RBPMS: variants seen among roughly 807,000 people sequenced by gnomAD.
RBPMS encodes the protein RNA binding protein, mRNA processing factor.
Under a neutral mutation model 26.8 loss-of-function variants are expected in RBPMS, and 7 were observed. That is an observed-to-expected ratio of 0.26 (90% CI 0.15 to 0.49). The LOEUF (loss-of-function observed/expected upper bound fraction) is 0.49, where lower values mean the gene tolerates loss of function less well. Among genes scored for constraint, RBPMS ranks in the 20% least tolerant of loss-of-function variants. The pLI is 0.98. For synonymous variants in RBPMS, 96 were observed against 93.3 expected (o/e 1.03, Z -0.17); for missense variants, 186 against 250.0 (o/e 0.74, Z 1.73).
At chr8:30,514,092 A>G (rs890226733) in intron 5 of RBPMS, among the ~76,000 whole-genome samples, 1 of 152,344 alleles carries the variant, frequency 6.6e-6, no homozygotes, top group African/African-American at 2.4e-5. Flanking sequence ...GTAATCATTT[A>G]CCAATGTGAG....
chr8:30,494,281 C>CTCA (rs1486506641), intron 4 of RBPMS, among the ~76,000 whole-genome samples: 1 of 152,174 alleles, frequency 6.6e-6, no homozygotes, highest in Non-Finnish European at 1.5e-5. Flanking sequence ...GAGTATGAAT[C>CTCA]TCATCTTTCT....
intron 7 of RBPMS, among the ~76,000 whole-genome samples, chr8:30,563,225 T>C (rs1827639457): frequency 6.6e-6 from 1 of 152,208 alleles, no homozygotes; most frequent in South Asian, 2.1e-4. Context: ...TTTAATTTGC[T>C]CCGCCTCTTG....
At chr8:30,460,637 C>A (rs1369676207) in intron 1 of RBPMS, among the ~76,000 whole-genome samples, 9 of 152,130 alleles carry the variant, frequency 5.9e-5, no homozygotes, top group African/African-American at 1.9e-4. Flanking sequence ...GAGACTATAG[C>A]TAAGATTTCT....
In RBPMS at chr8:30,566,301, A is replaced by G. The variant is rs1397338604; in HGVS notation, c.*52A>G. 1 of 985,752 alleles carries G rather than the reference A, an allele frequency of 1.0e-6. No individual in the cohort carries two copies. Among genetic ancestry groups the G allele is most frequent in the East Asian group, 1.1e-4 (1 of 8,814 alleles). The allele number at this position is 985,752 out of a possible 1,614,324, so 61.1% of individuals were successfully genotyped here. On this transcript the variant is annotated 3_prime_UTR_variant, in exon 8 of 9. Coordinates refer to ENST00000397323, the MANE Select transcript of RBPMS (RefSeq NM_001008710.3). Reference sequence around the variant, plus strand: ...GGCTGCAATCTGTCTTGTGGGTATTAATGCAATCTTCAGTGGTGGCTACTG... The same window carrying G: ...GGCTGCAATCTGTCTTGTGGGTATTGATGCAATCTTCAGTGGTGGCTACTG...
At chr8:30,510,500 CTTTTT>C (rs35949437) in intron 5 of RBPMS, among the ~76,000 whole-genome samples, 1 of 146,774 alleles carries the variant, frequency 6.8e-6, no homozygotes, top group African/African-American at 2.5e-5. Flanking sequence ...ACCACACTGC[CTTTTT>C]TTTTTTTCCA....
intron 5 of RBPMS, among the ~76,000 whole-genome samples, chr8:30,527,205 C>T (rs373793859): frequency 6.6e-6 from 1 of 152,286 alleles, no homozygotes; most frequent in East Asian, 1.9e-4. Flanking sequence ...TTACTGTAAA[C>T]CCTCAGACAC....
rs534901028 is a variant in RBPMS, at chr8:30,572,128, G to T, written c.*1603G>T. The T allele has an allele frequency of 1.3e-5, 2 of 152,268 alleles. No homozygotes were observed. The highest frequency in any genetic ancestry group is 4.8e-5 in the African/African-American group (2 of 41,546). 9.4% of individuals were successfully genotyped at this position (152,268 alleles called of 1,614,324 possible). On this transcript the variant is annotated 3_prime_UTR_variant, in exon 9 of 9. Transcript: ENST00000397323. ...CCTGCTTATGCCCTCAGTGCCAATCGGCTCTTGGTGAGATGACTGTACTCC... is the reference window on the plus strand; with the variant it reads ...CCTGCTTATGCCCTCAGTGCCAATCTGCTCTTGGTGAGATGACTGTACTCC...
intron 1 of RBPMS, among the ~76,000 whole-genome samples, chr8:30,433,641 T>C (rs1812162918): frequency 6.6e-6 from 1 of 152,118 alleles, no homozygotes; most frequent in Admixed American, 6.5e-5. Flanking sequence ...CCATAGCACT[T>C]CAGCCTGGGT....
chr8:30,554,707 C>T lies in RBPMS; in HGVS notation c.529-4180C>T, dbSNP rs546816334. Among the ~76,000 whole-genome samples, 199 of 152,260 alleles carry T rather than the reference C, an allele frequency of 1.3e-3. 2 individuals carry two copies. The highest frequency in any genetic ancestry group is 0.012 in the South Asian group (59 of 4,812). Reference sequence around the variant, plus strand: ...TTTCTGACAAGTTCCCAGGTGATGCCGTTGGTCCAGGAACCTGAGAACCAC... The same window carrying T: ...TTTCTGACAAGTTCCCAGGTGATGCTGTTGGTCCAGGAACCTGAGAACCAC... On this transcript the variant is annotated intron_variant, in intron 6 of 8. Coordinates refer to ENST00000397323, the MANE Select transcript of RBPMS (RefSeq NM_001008710.3).
chr8:30,551,338 C>T (rs1019986056), intron 6 of RBPMS, among the ~76,000 whole-genome samples: 4 of 152,174 alleles, frequency 2.6e-5, no homozygotes, highest in Non-Finnish European at 4.4e-5. Flanking sequence ...GAGGAAATGC[C>T]GTTCAGAAAC....
intron 5 of RBPMS, among the ~76,000 whole-genome samples, chr8:30,533,075 C>A (rs1310158963): frequency 6.6e-6 from 1 of 152,178 alleles, no homozygotes; most frequent in Admixed American, 6.5e-5. Context: ...ACCAAATTGA[C>A]ATTTTTGGAT....
chr8:30,508,013 G>C (rs1201028718), intron 5 of RBPMS, among the ~76,000 whole-genome samples: 1 of 152,196 alleles, frequency 6.6e-6, no homozygotes, highest in African/African-American at 2.4e-5. Flanking sequence ...ATGATGAAGT[G>C]TCTGTTCCTA....
chr8:30,507,325 G>C (rs1563388180), intron 5 of RBPMS, among the ~76,000 whole-genome samples: 3 of 152,120 alleles, frequency 2.0e-5, no homozygotes, highest in Non-Finnish European at 4.4e-5. Flanking sequence ...TGTTAGGAGA[G>C]GTAAATAAAA....
At chr8:30,422,561 C>T (rs1229559158) in intron 1 of RBPMS, among the ~76,000 whole-genome samples, 1 of 152,184 alleles carries the variant, frequency 6.6e-6, no homozygotes, top group African/African-American at 2.4e-5. Context: ...TGAGCCACCT[C>T]ACCTGGCCTG....
At chr8:30,444,689 A>C (rs760288711) in intron 1 of RBPMS, 1 of 152,214 alleles carries the variant, frequency 6.6e-6, no homozygotes, top group Non-Finnish European at 1.5e-5. Context: ...TGTTTTTCCC[A>C]TGGTAAAAGA....
At chr8:30,549,937 G>A (rs552975418) in intron 6 of RBPMS, among the ~76,000 whole-genome samples, 91 of 147,112 alleles carry the variant, frequency 6.2e-4, no homozygotes, top group African/African-American at 2.1e-3. Flanking sequence ...TGCAAGCTCC[G>A]CCTCCCGGGT....
chr8:30,479,141 T>G (rs951170318), intron 3 of RBPMS, among the ~76,000 whole-genome samples, 174 bp from the exon 4 acceptor site: 1 of 152,208 alleles, frequency 6.6e-6, no homozygotes, highest in African/African-American at 2.4e-5. Context: ...TGATTCATAT[T>G]AGAAATTTGG....
rs181763032 is a variant in RBPMS at position 30,557,953 on chromosome 8, C to A, written c.529-934C>A. Among the ~76,000 whole-genome samples the A allele has an allele frequency of 3.7e-3, 562 of 152,312 alleles. 2 individuals are homozygous for A. The highest frequency in any genetic ancestry group is 0.013 in the African/African-American group (523 of 41,568). ...AATCTCAGCTTACAGCAACCTCCCC[C>A]CTCCTGGTTCAAGCGATTCTCCTGC... On this transcript the variant is annotated intron_variant, in intron 6 of 8. Coordinates refer to ENST00000397323, the MANE Select transcript of RBPMS (RefSeq NM_001008710.3).
Position 30,474,831 on chromosome 8 carries a change from T to A in RBPMS, c.119T>A (p.Leu40His). The part of the protein sequence containing the change: ...GLPLDIKPRE[L>H]YLLFRPFKGY... The stretch of plus-strand genomic sequence containing the variant: ...CCTCTGGATATCAAACCTCGGGAGC[T>A]CTATCTGCTTTTCAGACCATTTAAG... Residue 40 changes from leucine (L) to histidine (H), a missense_variant, in exon 2 of 9, where the codon CTC (leucine) becomes CAC (histidine). Leu to His is a moderately conservative substitution (Grantham distance 99). Coordinates refer to ENST00000397323, the MANE Select transcript of RBPMS (RefSeq NM_001008710.3). 6.2e-7 allele frequency: 1 copy of A among 1,611,318 alleles called. No homozygotes were observed. Among genetic ancestry groups the A allele is most frequent in the Non-Finnish European group, 8.5e-7 (1 of 1,177,550 alleles).
Sources: gnomAD v4.1 joint callset for allele counts (sites outside exome capture counted in the v4.1 genomes callset) on GRCh38, gnomAD v4.1.1 for gene constraint, MANE v1.5 for transcripts, NCBI Gene and HGNC (gene_info 2026-07-23, HGNC 2026-07-21) for gene names.